The following CTNNAL1 variants were observed in gnomAD, a reference collection of about 807,000 sequenced individuals.
CTNNAL1 encodes alpha-catulin.
In CTNNAL1, 69 loss-of-function variants were observed where a neutral mutation model predicts 93.6. The ratio of observed to expected loss-of-function variants is 0.74; its 90% CI spans 0.61 to 0.90. The LOEUF (loss-of-function observed/expected upper bound fraction) is 0.90, where lower values mean the gene tolerates loss of function less well. Ranked by LOEUF, CTNNAL1 falls within the 40% of genes least tolerant of loss-of-function variation. The pLI, the probability that CTNNAL1 is intolerant of heterozygous loss-of-function variation, is 0.00. For missense variants in CTNNAL1, 836 were observed against 862.0 expected (o/e 0.97, Z 0.38); for synonymous variants, 286 against 305.4 (o/e 0.94, Z 0.66).
chr9:108,971,617 C>A (rs1831119935), intron 9 of CTNNAL1, among the ~76,000 whole-genome samples: 1 of 152,160 alleles, frequency 6.6e-6, no homozygotes, highest in South Asian at 2.1e-4. Flanking sequence ...GTAAGATGTG[C>A]CTTTGCTCCT....
chr9:108,984,500 A>T, intron 4 of CTNNAL1, 64 bp from the exon 5 acceptor site: 1 of 880,998 alleles, frequency 1.1e-6, no homozygotes, highest in Non-Finnish European at 1.9e-6. Context: ...TTCTTAAAAA[A>T]GTATTTATTC....
chr9:108,983,990 G>T (rs1831521507), intron 5 of CTNNAL1, among the ~76,000 whole-genome samples: 1 of 152,202 alleles, frequency 6.6e-6, no homozygotes, highest in Admixed American at 6.5e-5. Context: ...TTACTCCACT[G>T]TATTTAACAG....
chr9:108,997,544 G>A (rs1481730258), intron 2 of CTNNAL1, among the ~76,000 whole-genome samples: 1 of 152,158 alleles, frequency 6.6e-6, no homozygotes, highest in Non-Finnish European at 1.5e-5. Context: ...AATAATAGTT[G>A]AAATCATCCA....
At position 108,952,218 on chromosome 9, in the gene CTNNAL1, A is replaced by G; in HGVS notation, c.1826T>C (p.Leu609Ser). The stretch of plus-strand genomic sequence containing the variant: ...ATACAACTACATTTACCTAGTAAAT[A>G]AATACAGAGAATAGGCCATACTGGA... ...NMSSMAYSLY[L>S]FTRGEGPLKT... is the part of the protein sequence containing the mutation. The change falls in exon 14 of 19, where the codon TTA becomes TCA. Residue 609 changes from leucine (L) to serine (S), a missense_variant. Leu to Ser is a moderately radical substitution (Grantham distance 145, BLOSUM62 -2). Coordinates refer to ENST00000325551, the MANE Select transcript of CTNNAL1 (RefSeq NM_003798.4). 6.2e-7 allele frequency: 1 copy of G among 1,609,394 alleles called. No individual in the cohort carries two copies. Among genetic ancestry groups the G allele is most frequent in the Non-Finnish European group, 8.5e-7 (1 of 1,178,266 alleles).
At chr9:108,956,182 TCAGTAC>T (rs906203484) in intron 11 of CTNNAL1, among the ~76,000 whole-genome samples, 3 of 152,306 alleles carry the variant, frequency 2.0e-5, no homozygotes, top group Admixed American at 6.5e-5. Context: ...TCCTCTTTTA[TCAGTAC>T]CAGTATCAGC....
intron 11 of CTNNAL1, 93 bp from the exon 12 acceptor site, chr9:108,955,920 AG>A (rs1336179956): frequency 2.7e-6 from 2 of 739,240 alleles, no homozygotes; most frequent in Non-Finnish European, 4.3e-6. Flanking sequence ...TTAAACAAAC[AG>A]GAATGTTAGT....
chr9:108,998,617 T>C (rs1048412694), intron 2 of CTNNAL1, among the ~76,000 whole-genome samples: 1 of 152,190 alleles, frequency 6.6e-6, no homozygotes, highest in African/African-American at 2.4e-5. Flanking sequence ...GCTGCAGTCC[T>C]CAAAACACTC....
At chr9:108,983,538 C>T (rs1831504376) in intron 5 of CTNNAL1, among the ~76,000 whole-genome samples, 2 of 152,124 alleles carry the variant, frequency 1.3e-5, no homozygotes, top group Admixed American at 1.3e-4. Flanking sequence ...TACCTTTATA[C>T]TTCAACAGTA....
Position 109,013,314 on chromosome 9 carries a change from C to T in CTNNAL1, c.129G>A (p.Pro43=), listed in dbSNP as rs1342618474. The part of the protein sequence containing the change: ...KTRSVEQTLL[P]LVSQITTLIN... ...GGCGCCACTTTACCTGAGAAACCAG[C>T]GGGAGTAGCGTCTGCTCCACCGAGC... is the stretch of plus-strand genomic sequence containing the variant. Residue 43 remains proline (P), a synonymous_variant, in exon 1 of 19, where the codon CCG becomes CCA. Coordinates refer to ENST00000325551, the MANE Select transcript of CTNNAL1 (RefSeq NM_003798.4). 7 of 1,504,910 alleles carry T rather than the reference C, an allele frequency of 4.7e-6. No individual in the cohort carries two copies. The highest frequency in any genetic ancestry group is 2.8e-5 in the East Asian group (1 of 35,434). The allele number at this position is 1,504,910 out of a possible 1,614,324, so 93.2% of individuals were successfully genotyped here.
chr9:108,989,036 T>G, intron 4 of CTNNAL1, among the ~76,000 whole-genome samples: 1 of 152,234 alleles, frequency 6.6e-6, no homozygotes, highest in East Asian at 1.9e-4. Context: ...CCACATTTAA[T>G]GAGCTAAATT....
At chr9:108,987,195 T>C (rs1329192156) in intron 4 of CTNNAL1, among the ~76,000 whole-genome samples, 1 of 152,114 alleles carries the variant, frequency 6.6e-6, no homozygotes, top group African/African-American at 2.4e-5. Flanking sequence ...CGTCTTGAAT[T>C]AATTTTTGTA....
chr9:108,960,678 G>C (rs919192389), intron 11 of CTNNAL1, among the ~76,000 whole-genome samples: 8 of 152,180 alleles, frequency 5.3e-5, no homozygotes, highest in Admixed American at 3.9e-4. Flanking sequence ...AGGGAATTCA[G>C]CTTCCTTAAA....
At chr9:109,006,176 T>C (rs1393765400) in intron 1 of CTNNAL1, among the ~76,000 whole-genome samples, 2 of 152,212 alleles carry the variant, frequency 1.3e-5, no homozygotes, top group African/African-American at 2.4e-5. Flanking sequence ...GTTTTGTACA[T>C]ATAGATACTT....
At chr9:108,993,453 C>T (rs1831892292) in intron 2 of CTNNAL1, among the ~76,000 whole-genome samples, 1 of 152,180 alleles carries the variant, frequency 6.6e-6, no homozygotes, top group African/African-American at 2.4e-5. Context: ...AAACAAAAGC[C>T]TCCCTCCTGA....
chr9:109,008,754 A>AT (rs1827113508), intron 1 of CTNNAL1, among the ~76,000 whole-genome samples: 1 of 145,426 alleles, frequency 6.9e-6, no homozygotes, highest in Non-Finnish European at 1.5e-5. Context: ...TAATCTTTTT[A>AT]TTTTTTATTC....
intron 8 of CTNNAL1, 30 bp from the exon 9 acceptor site, chr9:108,972,863 G>C: frequency 4.3e-6 from 1 of 231,686 alleles, no homozygotes; most frequent in Non-Finnish European, 7.1e-6. Flanking sequence ...TGGGGGGGTG[G>C]GAGGGTGGAG....
At chr9:108,972,864 G>GGGGTGCCC in intron 8 of CTNNAL1, 31 bp from the exon 9 acceptor site, 1 of 142,588 alleles carries the variant, frequency 7.0e-6, no homozygotes, top group Non-Finnish European at 1.0e-5. Flanking sequence ...GGGGGGGTGG[G>GGGGTGCCC]AGGGTGGAGA....
rs1403083709 is a variant in CTNNAL1, at chr9:108,985,892, G to C, written c.640-1456C>G. 2.0e-5 allele frequency among the ~76,000 whole-genome samples: 3 copies of C among 152,100 alleles called. No homozygotes were observed. The East Asian group carries it at 5.8e-4, about 29-fold the overall frequency. On this transcript the variant is annotated intron_variant, in intron 4 of 18. Coordinates refer to ENST00000325551, the MANE Select transcript of CTNNAL1 (RefSeq NM_003798.4). The stretch of plus-strand genomic sequence containing the variant: ...AAAGATGGCATCTCAACCTGGAAAG[G>C]GCTGGTCCACAGGACAAAACAGAGG...
At chr9:108,953,630 C>T (rs905566557) in intron 12 of CTNNAL1, among the ~76,000 whole-genome samples, 4 of 152,150 alleles carry the variant, frequency 2.6e-5, no homozygotes, top group African/African-American at 9.7e-5. Context: ...ATTACCATGA[C>T]TTTTTACTTC....
Sources: gnomAD v4.1 joint callset for allele counts (sites outside exome capture counted in the v4.1 genomes callset) on GRCh38, gnomAD v4.1.1 for gene constraint, MANE v1.5 for transcripts, NCBI Gene and HGNC (gene_info 2026-07-23, HGNC 2026-07-21) for gene names.